The following TPH2 variants were observed in gnomAD, a reference collection of about 807,000 sequenced individuals.
TPH2 encodes tryptophan hydroxylase 2, also known as tryptophan 5-hydroxylase 2.
Under a neutral mutation model 59.1 loss-of-function variants are expected in TPH2, and 27 were observed. The ratio of observed to expected loss-of-function variants is 0.46; its 90% CI spans 0.34 to 0.63. The LOEUF is 0.63. Among genes scored for constraint, TPH2 ranks in the 30% least tolerant of loss-of-function variants. The pLI is 0.01. For synonymous variants in TPH2, 220 were observed against 210.5 expected (o/e 1.05, Z -0.39); for missense variants, 523 against 588.3 (o/e 0.89, Z 1.15).
At chr12:72,014,761 T>C (rs1252838557) in intron 8 of TPH2, among the ~76,000 whole-genome samples, 1 of 152,150 alleles carries the variant, frequency 6.6e-6, no homozygotes, top group East Asian at 1.9e-4. Context: ...GATGCCTTAG[T>C]GTGATTTGGC....
intron 8 of TPH2, among the ~76,000 whole-genome samples, chr12:72,010,470 A>T (rs1873072168): frequency 6.6e-6 from 1 of 152,122 alleles, no homozygotes; most frequent in Admixed American, 6.5e-5. Flanking sequence ...GCTAGTGGTG[A>T]TGGTTAGTGA....
intron 4 of TPH2, among the ~76,000 whole-genome samples, chr12:71,946,026 A>C (rs549691859): frequency 9.7e-4 from 148 of 152,242 alleles, no homozygotes; most frequent in Non-Finnish European, 1.6e-3. Flanking sequence ...CAGAATTAGC[A>C]CGGGAACCTG....
intron 2 of TPH2, among the ~76,000 whole-genome samples, chr12:71,943,997 T>C (rs970784575): frequency 4.0e-5 from 6 of 151,794 alleles, no homozygotes; most frequent in African/African-American, 1.2e-4. Context: ...CTGTGGGATG[T>C]GTACCACTCT....
At chr12:71,973,874 C>T (rs566718855) in intron 6 of TPH2, among the ~76,000 whole-genome samples, 35 of 152,096 alleles carry the variant, frequency 2.3e-4, no homozygotes, top group Admixed American at 1.2e-3. Context: ...CTAGTGAACC[C>T]AATGAATCAT....
At chr12:72,014,563 G>A (rs918670843) in intron 8 of TPH2, among the ~76,000 whole-genome samples, 3 of 151,772 alleles carry the variant, frequency 2.0e-5, no homozygotes, top group African/African-American at 7.2e-5. Flanking sequence ...GCTAATTTTT[G>A]TATTTTTAGT....
chr12:71,984,998 T>A (rs1423654892), intron 7 of TPH2, among the ~76,000 whole-genome samples: 1 of 152,226 alleles, frequency 6.6e-6, no homozygotes, highest in African/African-American at 2.4e-5. Flanking sequence ...ACAATACGTT[T>A]ATTATGAATA....
intron 9 of TPH2, among the ~76,000 whole-genome samples, chr12:72,023,292 T>A (rs552888570): frequency 1.3e-5 from 2 of 152,222 alleles, no homozygotes; most frequent in Non-Finnish European, 2.9e-5. Context: ...TGGACCATTC[T>A]TGAGTTTTTA....
chr12:71,973,503 G>A (rs1872031865), intron 6 of TPH2, among the ~76,000 whole-genome samples: 1 of 152,140 alleles, frequency 6.6e-6, no homozygotes, highest in Non-Finnish European at 1.5e-5. Flanking sequence ...GCCTAAAAAG[G>A]GGAGGAACCC....
intron 2 of TPH2, among the ~76,000 whole-genome samples, chr12:71,942,052 T>G (rs1871084901): frequency 6.6e-6 from 1 of 152,194 alleles, no homozygotes; most frequent in Non-Finnish European, 1.5e-5. Flanking sequence ...CAGGGTATCT[T>G]AAGTAGCAAG....
chr12:71,967,628 A>T (rs11179017), intron 5 of TPH2, among the ~76,000 whole-genome samples: 7,767 of 152,252 alleles, frequency 0.051, 340 homozygotes, highest in South Asian at 0.13. Flanking sequence ...ATCCTAACAA[A>T]TTCCATATAA....
At chr12:71,956,554 T>C (rs1200926600) in intron 5 of TPH2, among the ~76,000 whole-genome samples, 1 of 142,546 alleles carries the variant, frequency 7.0e-6, no homozygotes, top group Non-Finnish European at 1.5e-5. Flanking sequence ...CCTCCTTCCC[T>C]CCTTCCTTCC....
At chr12:71,953,389 G>C (rs1363438789) in intron 5 of TPH2, among the ~76,000 whole-genome samples, 1 of 152,114 alleles carries the variant, frequency 6.6e-6, no homozygotes, top group East Asian at 1.9e-4. Flanking sequence ...AGACAGTCCT[G>C]TGTGTCACTT....
rs1592402746 is a variant in TPH2 at position 71,994,476 on chromosome 12, C to T, written c.979C>T (p.Leu327Phe). 6.2e-7 allele frequency: 1 copy of T among 1,613,980 alleles called. No individual in the cohort carries two copies. Among genetic ancestry groups the T allele is most frequent in the Non-Finnish European group, 8.5e-7 (1 of 1,179,868 alleles). The change falls in exon 8 of 11, where the codon CTT (leucine) becomes TTT (phenylalanine). Residue 327 changes from leucine (L) to phenylalanine (F), a missense_variant. Leu to Phe is a conservative substitution (Grantham distance 22, BLOSUM62 0). Coordinates refer to ENST00000333850, the MANE Select transcript of TPH2 (RefSeq NM_173353.4). The stretch of plus-strand genomic sequence containing the variant: ...TGAACTCTTGGGACATGTTCCACTA[C>T]TTGCGGATCCTAAGTTTGCTCAGTT... ...CHELLGHVPL[L>F]ADPKFAQFSQ...
At chr12:71,971,603 T>G (rs1053513155) in intron 5 of TPH2, among the ~76,000 whole-genome samples, 1 of 152,220 alleles carries the variant, frequency 6.6e-6, no homozygotes, top group Non-Finnish European at 1.5e-5. Flanking sequence ...CCTGACTTTC[T>G]TTTTGTCGGA....
At chr12:72,003,138 A>C (rs987479579) in intron 8 of TPH2, among the ~76,000 whole-genome samples, 5 of 152,166 alleles carry the variant, frequency 3.3e-5, no homozygotes, top group African/African-American at 1.2e-4. Context: ...TTGGATGCTG[A>C]AAGACTTATG....
chr12:71,979,224 G>A, intron 7 of TPH2, 137 bp downstream of exon 7: 1 of 1,321,206 alleles, frequency 7.6e-7, no homozygotes. Context: ...CTCACCTAAA[G>A]AGAAAAGGGC....
At chr12:71,942,703 GGCATTATTATGAT>G (rs1445875850) in intron 2 of TPH2, among the ~76,000 whole-genome samples, 1 of 152,154 alleles carries the variant, frequency 6.6e-6, no homozygotes. Flanking sequence ...ACAACTATGA[GGCATTATTATGAT>G]GCCTCTATGA....
chr12:72,004,261 T>G (rs1339660574), intron 8 of TPH2, among the ~76,000 whole-genome samples: 3 of 150,600 alleles, frequency 2.0e-5, no homozygotes, highest in African/African-American at 7.3e-5. Context: ...TTATATTACC[T>G]CTTTTTGTCT....
chr12:71,961,038 G>A (rs1346590836), intron 5 of TPH2, among the ~76,000 whole-genome samples: 2 of 152,172 alleles, frequency 1.3e-5, no homozygotes, highest in Admixed American at 6.5e-5. Flanking sequence ...CTCACGATGT[G>A]AGAAGTCTTA....
Sources: allele counts gnomAD v4.1 joint callset (sites outside exome capture counted in the v4.1 genomes callset), GRCh38; gene constraint gnomAD v4.1.1; transcripts MANE v1.5; gene names NCBI Gene and HGNC (gene_info 2026-07-23, HGNC 2026-07-21).